Variants in TRIM13 observed in about 807,000 individuals in gnomAD.
TRIM13 encodes E3 ubiquitin-protein ligase TRIM13.
In TRIM13, 15 loss-of-function variants were observed where a neutral mutation model predicts 27.1. The ratio of observed to expected loss-of-function variants is 0.55; its 90% CI spans 0.37 to 0.85. TRIM13 has a LOEUF of 0.85. Among genes scored for constraint, TRIM13 ranks in the 40% least tolerant of loss-of-function variants. The pLI, the probability that TRIM13 is intolerant of heterozygous loss-of-function variation, is 0.00. For missense variants in TRIM13, 402 were observed against 472.2 expected, an observed-to-expected ratio of 0.85 and a Z score of 1.38; for synonymous variants, 193 against 171.5, an observed-to-expected ratio of 1.13 and a Z score of -0.98.
In TRIM13 at chr13:50,014,574, C is replaced by T. The variant is rs1348533594; in HGVS notation, c.*1410C>T. 6.0e-6 allele frequency: 1 copy of T among 166,532 alleles called. No individual in the cohort carries two copies. The highest frequency in any genetic ancestry group is 1.5e-5 in the Non-Finnish European group (1 of 68,026). The allele number at this position is 166,532 out of a possible 1,614,324, so 10.3% of individuals were successfully genotyped here. A position where few individuals can be genotyped will look rare whatever the true frequency, so the allele number is the denominator to read the frequency against. On this transcript the variant is annotated 3_prime_UTR_variant, in exon 2 of 2. Coordinates refer to ENST00000378182, the MANE Select transcript of TRIM13 (RefSeq NM_213590.3). ...AAGACTAATTTGACAACAGATAAAA[C>T]AGTCTGTCAGCTATTACAAAGTAAT...
intron 1 of TRIM13, among the ~76,000 whole-genome samples, chr13:50,005,126 T>A (rs1355641703): frequency 6.6e-6 from 1 of 152,114 alleles, no homozygotes. Context: ...GGAGGGGATG[T>A]ATCCTTTTTT....
rs372548077 is a variant in TRIM13 at position 50,011,940 on chromosome 13, G to A, written c.-1G>A. 6.2e-7 allele frequency: 1 copy of A among 1,601,148 alleles called. No individual in the cohort carries two copies. Among genetic ancestry groups the A allele is most frequent in the Non-Finnish European group, 8.5e-7 (1 of 1,173,542 alleles). On this transcript the variant is annotated 5_prime_UTR_variant, in exon 2 of 2. Transcript: ENST00000378182. ...ATTTTTTTTTTTTCTGGTAGGATGT[G>A]ATGGAGCTGCTTGAAGAAGATCTCA...
rs1329591198 is a variant in TRIM13, at chr13:50,015,789, A to G, written c.*2625A>G. 6.2e-7 allele frequency: 1 copy of G among 1,613,982 alleles called. No individual in the cohort carries two copies. Among genetic ancestry groups the G allele is most frequent in the Non-Finnish European group, 8.5e-7 (1 of 1,180,000 alleles). On this transcript the variant is annotated 3_prime_UTR_variant, in exon 2 of 2. Transcript: ENST00000378182. ...CTTCGTTCTCTAGTTGATCTCTTAA[A>G]CCCATACCTGCTACAGCCAAGACCT...
At position 50,015,390 on chromosome 13, in the gene TRIM13, C is replaced by T. The variant is rs909975044; in HGVS notation, c.*2226C>T. 7.0e-5 allele frequency: 58 copies of T among 833,022 alleles called. No individual in the cohort carries two copies. Among genetic ancestry groups the T allele is most frequent in the Admixed American group, 1.2e-4 (5 of 41,136 alleles). 51.6% of individuals were successfully genotyped at this position (833,022 alleles called of 1,614,324 possible). A position where few individuals can be genotyped will look rare whatever the true frequency, so the allele number is the denominator to read the frequency against. ...CTAAGTCTGGTTTTTGTTATTCTTC[C>T]CTCCCCTCCACTGCATAATCATGTA... On this transcript the variant is annotated 3_prime_UTR_variant, in exon 2 of 2. Transcript: ENST00000378182.
Position 50,015,248 on chromosome 13 carries a change from C to T in TRIM13, c.*2084C>T. ...AGATATATTGGCAGTTTTCCTTAAG[C>T]TATTTAGTTCCTCATCTGTTGCTTT... On this transcript the variant is annotated 3_prime_UTR_variant, in exon 2 of 2. Coordinates refer to ENST00000378182, the MANE Select transcript of TRIM13 (RefSeq NM_213590.3). The T allele has an allele frequency of 3.0e-6, 1 of 334,928 alleles. No homozygotes were observed. Among genetic ancestry groups the T allele is most frequent in the Admixed American group, 4.7e-5 (1 of 21,362 alleles). 20.7% of individuals were successfully genotyped at this position (334,928 alleles called of 1,614,324 possible).
intron 1 of TRIM13, among the ~76,000 whole-genome samples, chr13:50,008,044 A>G (rs1566437445): frequency 1.3e-5 from 2 of 151,474 alleles, no homozygotes; most frequent in African/African-American, 2.4e-5. Flanking sequence ...AGCTGGAACT[A>G]CAGGTGCCTG....
chr13:50,007,834 C>T (rs1181895656), intron 1 of TRIM13, among the ~76,000 whole-genome samples: 2 of 149,784 alleles, frequency 1.3e-5, no homozygotes, highest in African/African-American at 4.9e-5. Flanking sequence ...CTCAGCTTGT[C>T]CTTTAAATAC....
chr13:50,002,405 A>ACAAAAG (rs1344609088), intron 1 of TRIM13, among the ~76,000 whole-genome samples: 1 of 152,020 alleles, frequency 6.6e-6, no homozygotes, highest in African/African-American at 2.4e-5. Flanking sequence ...AAAAACAAAA[A>ACAAAAG]CAAACCATAC....
chr13:50,011,433 G>T (rs1399462892), intron 1 of TRIM13, among the ~76,000 whole-genome samples: 2 of 152,098 alleles, frequency 1.3e-5, no homozygotes, highest in Admixed American at 6.5e-5. Flanking sequence ...TTGTAATCTT[G>T]CCTTTGAAAC....
intron 1 of TRIM13, among the ~76,000 whole-genome samples, chr13:50,009,977 A>G (rs1875379196): frequency 6.6e-6 from 1 of 151,784 alleles, no homozygotes. Flanking sequence ...ATCTAGGCTT[A>G]CACAGATATG....
In TRIM13 at chr13:50,012,222, C is replaced by T; in HGVS notation, c.282C>T (p.Cys94=). 1 of 1,614,100 alleles carries T rather than the reference C, an allele frequency of 6.2e-7. No individual in the cohort carries two copies. The highest frequency in any genetic ancestry group is 8.5e-7 in the Non-Finnish European group (1 of 1,179,998). Residue 94 remains cysteine (C), a synonymous_variant, in exon 2 of 2, where the codon TGC becomes TGT. Coordinates refer to ENST00000378182, the MANE Select transcript of TRIM13 (RefSeq NM_213590.3). The stretch of plus-strand genomic sequence containing the variant: ...AGATCTCTCCCAAAATGCCAGTATG[C>T]AAAGGACACTTGGGGCAGCCTCTCA... ...KIKISPKMPV[C]KGHLGQPLNI...
At position 50,013,110 on chromosome 13, in the gene TRIM13, T is replaced by C. The variant is rs199524752; in HGVS notation, c.1170T>C (p.Thr390=). The C allele has an allele frequency of 6.3e-5, 102 of 1,612,378 alleles. No individual in the cohort carries two copies. The highest frequency in any genetic ancestry group is 8.6e-5 in the Non-Finnish European group (102 of 1,179,486). Residue 390 remains threonine, a synonymous_variant, in exon 2 of 2, where the codon ACT becomes ACC. Coordinates refer to ENST00000378182, the MANE Select transcript of TRIM13 (RefSeq NM_213590.3). ...TCAATGAAAGATTCAAGAATTTTAC[T>C]TTGGTGGTACTGAACAATGTGGCAG... ...FIFNERFKNF[T]LVVLNNVAEF... is the part of the protein sequence containing the mutation.
chr13:50,012,989 G>A lies in TRIM13; in HGVS notation c.1049G>A (p.Cys350Tyr). 1 of 1,613,786 alleles carries A rather than the reference G, an allele frequency of 6.2e-7. No individual in the cohort carries two copies. The highest frequency in any genetic ancestry group is 8.5e-7 in the Non-Finnish European group (1 of 1,179,888). ...GATGACCTGGCAACTTGGAAAGGCT[G>A]TCTTTCAAACTTCAGTTCCTATCTG... ...LFDDLATWKGCLSNFSSYLTK... is the reference protein window; with the variant it reads ...LFDDLATWKGYLSNFSSYLTK... Residue 350 changes from cysteine to tyrosine, a missense_variant, in exon 2 of 2, where the codon TGT (cysteine) becomes TAT (tyrosine). This residue lies in a region of TRIM13 where 200 missense variants were observed against 194.7 expected (regional missense o/e 1.03). Coordinates refer to ENST00000378182, the MANE Select transcript of TRIM13 (RefSeq NM_213590.3).
At chr13:50,005,740 GTTTT>G (rs372855203) in intron 1 of TRIM13, among the ~76,000 whole-genome samples, 3 of 137,896 alleles carry the variant, frequency 2.2e-5, no homozygotes, top group African/African-American at 5.3e-5. Context: ...GAAATATTTA[GTTTT>G]TTTTTTTTTT....
chr13:50,016,108 G>A lies in TRIM13; in HGVS notation c.*2944G>A, dbSNP rs1876523534. 2.1e-6 allele frequency: 3 copies of A among 1,444,196 alleles called. No homozygotes were observed. Among genetic ancestry groups the A allele is most frequent in the East Asian group, 4.6e-5 (2 of 43,710 alleles). The allele number at this position is 1,444,196 out of a possible 1,614,324, so 89.5% of individuals were successfully genotyped here. ...TTTGCAGTATTTCTCTTGTATACCA[G>A]TTTGTGATGTTTTCTCTAAAAACTT... On this transcript the variant is annotated 3_prime_UTR_variant, in exon 2 of 2. Transcript: ENST00000378182.
intron 1 of TRIM13, among the ~76,000 whole-genome samples, chr13:49,999,021 A>G (rs1873652745): frequency 6.6e-6 from 1 of 151,982 alleles, no homozygotes; most frequent in Non-Finnish European, 1.5e-5. Flanking sequence ...AGAAGCTTTT[A>G]TATGTAAATG....
chr13:50,004,779 T>TAA (rs562881816), intron 1 of TRIM13, among the ~76,000 whole-genome samples: 28 of 118,056 alleles, frequency 2.4e-4, no homozygotes, highest in Admixed American at 2.1e-3. Context: ...GACCCTGTCT[T>TAA]AAAAAAAAAA....
chr13:49,999,000 A>C (rs1211782211), intron 1 of TRIM13, among the ~76,000 whole-genome samples: 2 of 152,062 alleles, frequency 1.3e-5, no homozygotes, highest in Non-Finnish European at 2.9e-5. Context: ...GCAAGCAAAA[A>C]TATGCAGGCT....
chr13:50,014,344 AAT>A lies in TRIM13; in HGVS notation c.*1196_*1197del, dbSNP rs1555325056. On this transcript the variant is annotated 3_prime_UTR_variant, in exon 2 of 2. Coordinates refer to ENST00000378182, the MANE Select transcript of TRIM13 (RefSeq NM_213590.3). ...AAAAAAAAAAAAAAAAAAAAAAAAA[AAT>A]ATATATATATATATACACACACACA... 2 of 19,718 alleles carry A rather than the reference AAT, an allele frequency of 1.0e-4. No homozygotes were observed. The highest frequency in any genetic ancestry group is 4.1e-4 in the African/African-American group (2 of 4,880). 1.2% of individuals were successfully genotyped at this position (19,718 alleles called of 1,614,324 possible). A position where few individuals can be genotyped will look rare whatever the true frequency, so the allele number is the denominator to read the frequency against.
Sources: allele counts gnomAD v4.1 joint callset (sites outside exome capture counted in the v4.1 genomes callset), GRCh38; gene constraint gnomAD v4.1.1; regional missense constraint gnomAD v4.1.1; transcripts MANE v1.5; gene names NCBI Gene and HGNC (gene_info 2026-07-23, HGNC 2026-07-21).